EXOC4: variants seen among roughly 807,000 people sequenced by gnomAD.
The protein encoded by EXOC4 is SEC8-like 1.
In EXOC4, 71 loss-of-function variants were observed where a neutral mutation model predicts 107.2. The ratio of observed to expected loss-of-function variants is 0.66; its 90% CI spans 0.55 to 0.81. The LOEUF (loss-of-function observed/expected upper bound fraction) is 0.81. Among genes scored for constraint, EXOC4 ranks in the 30% least tolerant of loss-of-function variants. The pLI is 0.00. For missense variants in EXOC4, 1,108 were observed against 1,189.6 expected, an observed-to-expected ratio of 0.93 and a Z score of 1.01; for synonymous variants, 456 against 441.2, an observed-to-expected ratio of 1.03 and a Z score of -0.42.
intron 10 of EXOC4, among the ~76,000 whole-genome samples, chr7:133,656,064 C>T (rs746285875): frequency 1.3e-5 from 2 of 152,084 alleles, no homozygotes; most frequent in Non-Finnish European, 1.5e-5. Flanking sequence ...CCATTGGAAT[C>T]GTATTGGACC....
At chr7:133,872,317 T>C (rs17167313) in intron 11 of EXOC4, among the ~76,000 whole-genome samples, 17,852 of 152,196 alleles carry the variant, frequency 0.12, 1,165 homozygotes, top group Middle Eastern at 0.15. Context: ...ATTTTGGTCT[T>C]CATCCAAGGC....
At chr7:133,428,533 T>G (rs1464931206) in intron 7 of EXOC4, among the ~76,000 whole-genome samples, 1 of 152,250 alleles carries the variant, frequency 6.6e-6, no homozygotes, top group Non-Finnish European at 1.5e-5. Context: ...TGTTCTGTTC[T>G]GCTCTATTCT....
At chr7:133,477,794 T>C (rs946523646) in intron 8 of EXOC4, among the ~76,000 whole-genome samples, 1 of 152,252 alleles carries the variant, frequency 6.6e-6, no homozygotes, top group Non-Finnish European at 1.5e-5. Context: ...ATTATCAGTT[T>C]ATTAATCATT....
At chr7:133,999,705 AT>A (rs1233982562) in intron 15 of EXOC4, among the ~76,000 whole-genome samples, 18 of 152,326 alleles carry the variant, frequency 1.2e-4, no homozygotes, top group African/African-American at 4.1e-4. Flanking sequence ...ATTAGTTACT[AT>A]CACAATTCCT....
intron 17 of EXOC4, among the ~76,000 whole-genome samples, chr7:134,019,670 A>T (rs912639078): frequency 1.3e-5 from 2 of 152,234 alleles, no homozygotes; most frequent in Non-Finnish European, 2.9e-5. Context: ...ACTTAGGTCA[A>T]TCCAACCCCA....
intron 10 of EXOC4, among the ~76,000 whole-genome samples, chr7:133,764,100 G>T (rs1365688952): frequency 2.0e-5 from 3 of 152,008 alleles, no homozygotes; most frequent in Non-Finnish European, 1.5e-5. Context: ...GTGAAGATGA[G>T]GTGAGGAATT....
At chr7:133,659,837 C>A (rs920455896) in intron 10 of EXOC4, among the ~76,000 whole-genome samples, 3 of 152,204 alleles carry the variant, frequency 2.0e-5, no homozygotes, top group African/African-American at 4.8e-5. Context: ...AACTGTGAAT[C>A]CTGACAAACC....
chr7:133,380,670 A>G (rs1360316881), intron 7 of EXOC4, among the ~76,000 whole-genome samples: 1 of 152,190 alleles, frequency 6.6e-6, no homozygotes, highest in Non-Finnish European at 1.5e-5. Context: ...AGTAGACAAG[A>G]TGAATTTAAG....
At chr7:133,617,273 C>T (rs760632993) in intron 9 of EXOC4, among the ~76,000 whole-genome samples, 1 of 152,002 alleles carries the variant, frequency 6.6e-6, no homozygotes, top group African/African-American at 2.4e-5. Context: ...TGAGTAGAAT[C>T]CAAAGACACT....
chr7:133,253,597 G>A (rs1794944113), intron 1 of EXOC4: 1 of 796,204 alleles, frequency 1.3e-6, no homozygotes, highest in Non-Finnish European at 1.5e-6. Flanking sequence ...AGGCCTTGGA[G>A]TCCGGAGATT....
chr7:133,307,231 C>T (rs528208559), intron 4 of EXOC4, among the ~76,000 whole-genome samples: 12 of 152,288 alleles, frequency 7.9e-5, no homozygotes, highest in African/African-American at 2.9e-4. Flanking sequence ...GAGGTTTCTA[C>T]CTCTTTTCAG....
chr7:133,760,574 C>G (rs1160902894), intron 10 of EXOC4, among the ~76,000 whole-genome samples: 2 of 152,106 alleles, frequency 1.3e-5, no homozygotes, highest in Non-Finnish European at 2.9e-5. Flanking sequence ...GGCACCTGCT[C>G]TTTCTCTTGC....
At chr7:133,741,278 C>G (rs1354300322) in intron 10 of EXOC4, among the ~76,000 whole-genome samples, 1 of 152,200 alleles carries the variant, frequency 6.6e-6, no homozygotes, top group African/African-American at 2.4e-5. Context: ...CAGCTTGTCT[C>G]TCCCCACCAG....
chr7:133,840,862 A>C (rs17167304), intron 11 of EXOC4, among the ~76,000 whole-genome samples: 15,547 of 152,190 alleles, frequency 0.1, 941 homozygotes, highest in Middle Eastern at 0.14. Context: ...TATTACTATA[A>C]ACTTTGTCTT....
chr7:133,685,129 C>T (rs546102131), intron 10 of EXOC4, among the ~76,000 whole-genome samples: 1 of 152,190 alleles, frequency 6.6e-6, no homozygotes, highest in Non-Finnish European at 1.5e-5. Context: ...AATATGTAAC[C>T]ATAAGCTGGA....
Position 133,381,913 on chromosome 7 carries a change from T to C in EXOC4, c.1182+6911T>C, listed in dbSNP as rs543691561. Among the ~76,000 whole-genome samples, 11 of 152,266 alleles carry C rather than the reference T, an allele frequency of 7.2e-5. No homozygotes were observed. In the East Asian group the frequency reaches 1.9e-3, roughly 27 times the overall value. ...CCATCATCAGCATTATGTGGGAACATATTAAAAAATGCAGATTTGTATCCC... is the reference window on the plus strand; with the variant it reads ...CCATCATCAGCATTATGTGGGAACACATTAAAAAATGCAGATTTGTATCCC... On this transcript the variant is annotated intron_variant, in intron 7 of 17. Transcript: ENST00000253861.
At chr7:134,089,359 TA>T in the EXOC4 span, among the ~76,000 whole-genome samples, 3 of 152,330 alleles carry the variant, frequency 2.0e-5, no homozygotes, top group South Asian at 6.2e-4. Context: ...ACCTTGCATG[TA>T]AAACTGTTTT....
intron 10 of EXOC4, among the ~76,000 whole-genome samples, chr7:133,734,897 C>T (rs950901069): frequency 6.6e-6 from 1 of 151,548 alleles, no homozygotes; most frequent in Admixed American, 6.6e-5. Context: ...AGTCATGACT[C>T]ACTTCATTGT....
chr7:133,584,726 G>A (rs1022796226), intron 9 of EXOC4, among the ~76,000 whole-genome samples: 1 of 151,678 alleles, frequency 6.6e-6, no homozygotes, highest in Non-Finnish European at 1.5e-5. Flanking sequence ...TTACAGATAC[G>A]CTCTATCACA....
Sources: gnomAD v4.1 joint callset for allele counts (sites outside exome capture counted in the v4.1 genomes callset) on GRCh38, gnomAD v4.1.1 for gene constraint, MANE v1.5 for transcripts, NCBI Gene and HGNC (gene_info 2026-07-23, HGNC 2026-07-21) for gene names.